STK4: variants seen among roughly 807,000 people sequenced by gnomAD.
STK4 encodes serine/threonine kinase 4.
Under a neutral mutation model 64.9 loss-of-function variants are expected in STK4, and 30 were observed. The observed-to-expected ratio is 0.46, with a 90% CI of 0.35 to 0.63. The LOEUF is 0.63. STK4 is among the 20% of genes least tolerant of loss of function. The probability of loss-of-function intolerance (pLI) is 0.01; values close to 1 mark genes in which losing one functional copy is unlikely to be tolerated. For missense variants in STK4, 466 were observed against 598.5 expected, an observed-to-expected ratio of 0.78 and a Z score of 2.31; for synonymous variants, 177 against 199.0, an observed-to-expected ratio of 0.89 and a Z score of 0.93.
At chr20:45,048,868 T>G (rs2068735604) in intron 10 of STK4, among the ~76,000 whole-genome samples, 1 of 152,322 alleles carries the variant, frequency 6.6e-6, no homozygotes, top group African/African-American at 2.4e-5. Context: ...TATGACTTTC[T>G]TGTTCCTAGG....
chr20:45,059,809 C>T (rs550534107), intron 10 of STK4, among the ~76,000 whole-genome samples: 3 of 152,148 alleles, frequency 2.0e-5, no homozygotes, highest in South Asian at 4.2e-4. Flanking sequence ...AATTTTATTG[C>T]AAGTAGGATA....
rs62208320 is a variant in STK4, at chr20:45,018,754, A to C, written c.1148-6219A>C. Among the ~76,000 whole-genome samples the C allele has an allele frequency of 5.3e-3, 787 of 147,812 alleles. 4 individuals carry two copies. The highest frequency in any genetic ancestry group is 8.8e-3 in the Non-Finnish European group (595 of 67,276). On this transcript the variant is annotated intron_variant, in intron 9 of 10. Transcript: ENST00000372806. ...TTTTTTTTTTTTTTAATTTGGAGAC[A>C]GGATCTTGGTCTGTTGCCCAGGCTG...
At chr20:44,995,397 G>C (rs572684302) in intron 6 of STK4, 140 bp downstream of exon 6, 2 of 1,025,552 alleles carry the variant, frequency 2.0e-6, no homozygotes, top group South Asian at 2.2e-5. Context: ...CCAGAGGTCA[G>C]GAGTTTGAGA....
chr20:44,971,120 CACACAT>C (rs1169134715), intron 1 of STK4, among the ~76,000 whole-genome samples: 2 of 143,888 alleles, frequency 1.4e-5, no homozygotes, highest in Admixed American at 6.8e-5. Flanking sequence ...CACACACACA[CACACAT>C]ATTCCTTGGC....
At chr20:44,971,971 C>G in intron 1 of STK4, 107 bp from the exon 2 acceptor site, 1 of 1,042,072 alleles carries the variant, frequency 9.6e-7, no homozygotes, top group East Asian at 2.6e-5. Context: ...CTAGTGAAGT[C>G]TGTATAGAGA....
At chr20:45,069,042 T>G (rs931122148) in intron 10 of STK4, among the ~76,000 whole-genome samples, 1 of 152,242 alleles carries the variant, frequency 6.6e-6, no homozygotes, top group Non-Finnish European at 1.5e-5. Flanking sequence ...AGACATCCTT[T>G]GGCAGACATC....
chr20:45,069,425 TG>T (rs1285791131), intron 10 of STK4, among the ~76,000 whole-genome samples: 1 of 152,238 alleles, frequency 6.6e-6, no homozygotes, highest in African/African-American at 2.4e-5. Context: ...CTTTCCAAAG[TG>T]TATTTCTTAT....
At chr20:45,044,033 C>CT (rs1568749364) in intron 10 of STK4, among the ~76,000 whole-genome samples, 1 of 152,190 alleles carries the variant, frequency 6.6e-6, no homozygotes, top group African/African-American at 2.4e-5. Flanking sequence ...AAAACTATTA[C>CT]TGCTTGGAAA....
chr20:45,067,208 C>T (rs769835445), intron 10 of STK4, among the ~76,000 whole-genome samples: 5 of 152,024 alleles, frequency 3.3e-5, no homozygotes, highest in Admixed American at 6.6e-5. Context: ...TAGCTTCTAT[C>T]GAGCTTCCCT....
At chr20:44,987,967 GT>G (rs376197292) in intron 5 of STK4, among the ~76,000 whole-genome samples, 6 of 147,798 alleles carry the variant, frequency 4.1e-5, no homozygotes, top group South Asian at 4.3e-4. Context: ...GTTATGTACG[GT>G]TTTTTTTTTA....
At chr20:45,014,937 T>C (rs1389813518) in intron 9 of STK4, among the ~76,000 whole-genome samples, 2 of 152,334 alleles carry the variant, frequency 1.3e-5, no homozygotes, top group African/African-American at 4.8e-5. Flanking sequence ...GATTCCTCTT[T>C]AAAACTTGTA....
In STK4 at chr20:44,988,523, A is replaced by ATGTGTG. The variant is rs371237761; in HGVS notation, c.525+1233_525+1238dup. On this transcript the variant is annotated intron_variant, in intron 5 of 10. Transcript: ENST00000372806. ...TGTATGTATGTGTGTGTGTATATATATGTGTGTGTGTATATATATATATAT... is the reference window on the plus strand; with the variant it reads ...TGTATGTATGTGTGTGTGTATATATATGTGTGTGTGTGTGTGTATATATATATATAT... Among the ~76,000 whole-genome samples the ATGTGTG allele has an allele frequency of 3.4e-3, 367 of 108,542 alleles. 1 individual carries two copies. Among genetic ancestry groups the ATGTGTG allele is most frequent in the African/African-American group, 0.013 (315 of 23,826 alleles). 71.2% of individuals were successfully genotyped at this position (108,542 alleles called of 152,430 possible).
chr20:44,966,804 C>T (rs1035303879), intron 1 of STK4, among the ~76,000 whole-genome samples: 2 of 151,988 alleles, frequency 1.3e-5, no homozygotes, highest in African/African-American at 2.4e-5. Context: ...GACTTGGGAC[C>T]GGTTAGAGGG....
intron 9 of STK4, among the ~76,000 whole-genome samples, chr20:45,023,556 G>GA (rs1364985982): frequency 6.6e-6 from 1 of 152,104 alleles, no homozygotes; most frequent in East Asian, 1.9e-4. Context: ...GGAAAGCAAT[G>GA]AAAAATACTT....
chr20:45,023,894 T>TC (rs2068294431), intron 9 of STK4, among the ~76,000 whole-genome samples: 2 of 147,772 alleles, frequency 1.4e-5, no homozygotes, highest in South Asian at 4.2e-4. Flanking sequence ...AATACTAACT[T>TC]CTTTTTTTTT....
intron 10 of STK4, among the ~76,000 whole-genome samples, chr20:45,069,593 A>G (rs1312282769): frequency 6.6e-6 from 1 of 152,220 alleles, no homozygotes; most frequent in Non-Finnish European, 1.5e-5. Flanking sequence ...AAAGAATGTT[A>G]AGGGGAATTA....
At chr20:45,060,328 C>T (rs1275133595) in intron 10 of STK4, among the ~76,000 whole-genome samples, 1 of 152,194 alleles carries the variant, frequency 6.6e-6, no homozygotes, top group Non-Finnish European at 1.5e-5. Context: ...TTGATTAGTT[C>T]TCTGTATCTC....
chr20:45,030,955 G>C (rs2068432640), intron 10 of STK4, among the ~76,000 whole-genome samples: 1 of 152,084 alleles, frequency 6.6e-6, no homozygotes, highest in Non-Finnish European at 1.5e-5. Context: ...CCAGCACTTT[G>C]GGAGGCTGAG....
rs142838668 is a variant in STK4, at chr20:45,007,175, A to G, written c.1147+5822A>G. On this transcript the variant is annotated intron_variant, in intron 9 of 10. Coordinates refer to ENST00000372806, the MANE Select transcript of STK4 (RefSeq NM_006282.5). ...GAGATGATGTTTCTCCACTTTCTCT[A>G]TAAAGGAACAGGTTCAGAGAGATTG... 5.0e-3 allele frequency among the ~76,000 whole-genome samples: 756 copies of G among 152,324 alleles called. 5 individuals carry two copies. Among genetic ancestry groups the G allele is most frequent in the Non-Finnish European group, 9.1e-3 (619 of 68,022 alleles).
Sources: gnomAD v4.1 joint callset for allele counts (sites outside exome capture counted in the v4.1 genomes callset) on GRCh38, gnomAD v4.1.1 for gene constraint, MANE v1.5 for transcripts, NCBI Gene and HGNC (gene_info 2026-07-23, HGNC 2026-07-21) for gene names.